Variants in ARHGEF2 observed in about 807,000 individuals in gnomAD.
ARHGEF2 encodes rho guanine nucleotide exchange factor 2.
ARHGEF2 carries 22 observed loss-of-function variants against 121.0 expected under a neutral mutation model. That is an observed-to-expected ratio of 0.18 (90% CI 0.13 to 0.26). The LOEUF is 0.26. ARHGEF2 is among the 10% of genes least tolerant of loss of function. ARHGEF2 has a pLI of 1.00. For missense variants in ARHGEF2, 907 were observed against 1,336.0 expected (o/e 0.68, Z 5.01); for synonymous variants, 487 against 530.0 (o/e 0.92, Z 1.11).
intron 3 of ARHGEF2, 118 bp from the exon 4 acceptor site, chr1:155,966,597 G>A (rs1204277939): frequency 3.4e-6 from 4 of 1,181,984 alleles, no homozygotes; most frequent in Non-Finnish European, 5.0e-6. Flanking sequence ...TGGCACTATG[G>A]TTAAGGGGAT....
At chr1:155,977,418 C>T (rs1382239270) in intron 1 of ARHGEF2, among the ~76,000 whole-genome samples, 1 of 151,970 alleles carries the variant, frequency 6.6e-6, no homozygotes, top group African/African-American at 2.4e-5. Flanking sequence ...GCCAAGAGGT[C>T]ATGATGGGGG....
upstream of ARHGEF2, chr1:155,978,899 C>T (rs528191759): frequency 4.1e-6 from 4 of 986,696 alleles, no homozygotes; most frequent in South Asian, 9.3e-5. This position sits in a 1 kb window ranked among gnomAD's most constrained non-coding sequence, Gnocchi z 4.1. Context: ...TTTTTCCCTC[C>T]CCTACTGCGT....
At chr1:155,973,934 G>C (rs1017591662) in intron 1 of ARHGEF2, among the ~76,000 whole-genome samples, 18 of 151,966 alleles carry the variant, frequency 1.2e-4, no homozygotes, top group African/African-American at 4.4e-4. Flanking sequence ...TAGGACTTTG[G>C]CTTCCTGGGC....
At chr1:155,977,995 G>T in intron 1 of ARHGEF2, 1 of 800,410 alleles carries the variant, frequency 1.2e-6, no homozygotes, top group Non-Finnish European at 1.5e-6. Context: ...CCCGGGGTGA[G>T]AGGAGGTGCC....
chr1:155,978,101 C>A lies in ARHGEF2; in HGVS notation c.63+264G>T. The stretch of plus-strand genomic sequence containing the variant: ...TTTCTTTCAAGCGGCCTAAAGCACT[C>A]GGTCCCGCCGGCTTGGAGGCGACCA... On this transcript the variant is annotated intron_variant, in intron 1 of 21. Coordinates refer to ENST00000361247, the MANE Select transcript of ARHGEF2 (RefSeq NM_001162383.2). The surrounding 1 kb of genome is among the most constrained non-coding windows in gnomAD (Gnocchi z 4.1). 8.2e-7 allele frequency: 1 copy of A among 1,221,252 alleles called. No homozygotes were observed. Among genetic ancestry groups the A allele is most frequent in the Non-Finnish European group, 1.0e-6 (1 of 975,736 alleles). 75.7% of individuals were successfully genotyped at this position (1,221,252 alleles called of 1,614,324 possible).
At chr1:155,970,439 T>C (rs1680236501) in intron 1 of ARHGEF2, 2 of 985,454 alleles carry the variant, frequency 2.0e-6, no homozygotes, top group South Asian at 9.4e-5. Context: ...TAGTTGTGAC[T>C]CTGATCTCTG....
At chr1:155,977,352 A>G (rs1187163705) in intron 1 of ARHGEF2, among the ~76,000 whole-genome samples, 1 of 152,116 alleles carries the variant, frequency 6.6e-6, no homozygotes, top group African/African-American at 2.4e-5. Flanking sequence ...AGGTCAGGGC[A>G]CTTGGGAATG....
In ARHGEF2 at chr1:155,961,540, C is replaced by A. The variant is rs1047756078; in HGVS notation, c.1468+121G>T. ...CCGCCCGCCTCGGCCTCCCTAAGTG[C>A]TGGGATTACAGGCGTTGAGCCACTG... On this transcript the variant is annotated intron_variant, in intron 11 of 21. Coordinates refer to ENST00000361247, the MANE Select transcript of ARHGEF2 (RefSeq NM_001162383.2). This position sits in a 1 kb window ranked among gnomAD's most constrained non-coding sequence, Gnocchi z 4.7. 16 of 1,412,040 alleles carry A rather than the reference C, an allele frequency of 1.1e-5. No individual in the cohort carries two copies. Among genetic ancestry groups the A allele is most frequent in the Non-Finnish European group, 1.4e-5 (15 of 1,043,852 alleles). The allele number at this position is 1,412,040 out of a possible 1,614,324, so 87.5% of individuals were successfully genotyped here.
chr1:155,952,180 G>A lies in ARHGEF2; in HGVS notation c.2040C>T (p.Pro680=). The A allele has an allele frequency of 6.2e-7, 1 of 1,614,140 alleles. No individual in the cohort carries two copies. Among genetic ancestry groups the A allele is most frequent in the Non-Finnish European group, 8.5e-7 (1 of 1,180,028 alleles). The change falls in exon 16 of 22, where the codon CCC becomes CCT. Residue 680 remains proline (P), a synonymous_variant. Transcript: ENST00000361247. ...VGPGVELLLT[P]REPALPLEPD... ...GTTCCAAGGGCAGGGCTGGCTCTCG[G>A]GGTGTCAAGAGCAGTTCCACTCCTG... is the stretch of plus-strand genomic sequence containing the variant.
intron 2 of ARHGEF2, among the ~76,000 whole-genome samples, chr1:155,967,364 C>G (rs1415640751): frequency 6.6e-6 from 1 of 152,152 alleles, no homozygotes; most frequent in Non-Finnish European, 1.5e-5. Context: ...TAATCCTAAC[C>G]ACCCGTAGAG....
intron 13 of ARHGEF2, among the ~76,000 whole-genome samples, chr1:155,955,322 G>C (rs189912331): frequency 2.6e-5 from 4 of 151,810 alleles, no homozygotes; most frequent in Admixed American, 2.0e-4. Flanking sequence ...ATGGGGTTTC[G>C]TCACGTTGGC....
chr1:155,969,677 C>T (rs970436413), intron 1 of ARHGEF2: 8 of 1,031,604 alleles, frequency 7.8e-6, no homozygotes, highest in Non-Finnish European at 9.3e-6. Flanking sequence ...GGAAGATGCG[C>T]AGAGAGGAGG....
intron 1 of ARHGEF2, among the ~76,000 whole-genome samples, chr1:155,977,777 G>A (rs1471836876): frequency 6.6e-6 from 1 of 152,222 alleles, no homozygotes; most frequent in Non-Finnish European, 1.5e-5. Context: ...CCACCCAGAG[G>A]GGAGAACTGA....
chr1:155,950,576 T>A lies in ARHGEF2; in HGVS notation c.2704-94A>T, dbSNP rs939719558. The A allele has an allele frequency of 7.4e-7, 1 of 1,348,074 alleles. No individual in the cohort carries two copies. 83.5% of individuals were successfully genotyped at this position (1,348,074 alleles called of 1,614,324 possible). A position where few individuals can be genotyped will look rare whatever the true frequency, so the allele number is the denominator to read the frequency against. Reference sequence around the variant, plus strand: ...GGCTGAAGGCAGCAGCTCTCCCCCCTGGGGCTCACCCATGAGTCCCCTTCA... The same window carrying A: ...GGCTGAAGGCAGCAGCTCTCCCCCCAGGGGCTCACCCATGAGTCCCCTTCA... On this transcript the variant is annotated intron_variant, in intron 20 of 21. Coordinates refer to ENST00000361247, the MANE Select transcript of ARHGEF2 (RefSeq NM_001162383.2). The surrounding 1 kb of genome is among the most constrained non-coding windows in gnomAD (Gnocchi z 5.2).
intron 1 of ARHGEF2, chr1:155,972,440 G>T: frequency 2.7e-6 from 1 of 373,444 alleles, no homozygotes; most frequent in Non-Finnish European, 5.6e-6. Flanking sequence ...CATAGGGCCT[G>T]CTTACCAGGG....
rs1678671327 is a variant in ARHGEF2 at position 155,964,162 on chromosome 1, A to AT, written c.724+825_724+826insA. On this transcript the variant is annotated intron_variant, in intron 7 of 21. Transcript: ENST00000361247. ...TCTGCTTCAAAAAAAAAAAAAAAAA[A>AT]AAAAAATATATATATATATATATAT... Among the ~76,000 whole-genome samples, 7 of 94,282 alleles carry AT rather than the reference A, an allele frequency of 7.4e-5. No homozygotes were observed. In the South Asian group the frequency reaches 1.7e-3, roughly 23 times the overall value. The allele number at this position is 94,282 out of a possible 152,430, so 61.9% of individuals were successfully genotyped here.
Position 155,954,887 on chromosome 1 carries a change from T to C in ARHGEF2, c.1783+15A>G, listed in dbSNP as rs748257005. The C allele has an allele frequency of 3.7e-6, 6 of 1,608,880 alleles. No homozygotes were observed. Among genetic ancestry groups the C allele is most frequent in the African/African-American group, 1.3e-5 (1 of 74,806 alleles). ...TATTATAAATTACTAAGGAGCTCCT[T>C]GTGGGTGGACTTACTCTTAATTCGC... On this transcript the variant is annotated intron_variant, in intron 14 of 21. Coordinates refer to ENST00000361247, the MANE Select transcript of ARHGEF2 (RefSeq NM_001162383.2).
chr1:155,959,185 A>G (rs935333303), intron 11 of ARHGEF2, among the ~76,000 whole-genome samples: 8 of 152,134 alleles, frequency 5.3e-5, no homozygotes, highest in Non-Finnish European at 1.2e-4. Context: ...TGTGAGATTC[A>G]TAAGGTTCCC....
At position 155,956,461 on chromosome 1, in the gene ARHGEF2, TA is replaced by T. The variant is rs75065040; in HGVS notation, c.1715+1251del. Among the ~76,000 whole-genome samples, 963 of 139,936 alleles carry T rather than the reference TA, an allele frequency of 6.9e-3. 1 individual carries two copies. Among genetic ancestry groups the T allele is most frequent in the Admixed American group, 7.2e-3 (100 of 13,956 alleles). 91.8% of individuals were successfully genotyped at this position (139,936 alleles called of 152,430 possible). A position where few individuals can be genotyped will look rare whatever the true frequency, so the allele number is the denominator to read the frequency against. The stretch of plus-strand genomic sequence containing the variant: ...TTTCAAAATTCCATGGTGCAGAAGT[TA>T]AAAAAAAAAAAAGGTTTACAAATTA... On this transcript the variant is annotated intron_variant, in intron 13 of 21. Transcript: ENST00000361247.
Sources: gnomAD v4.1 joint callset for allele counts (sites outside exome capture counted in the v4.1 genomes callset) on GRCh38, gnomAD v4.1.1 for gene constraint, Gnocchi (gnomAD v3.1) non-coding constraint, MANE v1.5 for transcripts, NCBI Gene and HGNC (gene_info 2026-07-23, HGNC 2026-07-21) for gene names.